The following NKAIN2 variants were observed in gnomAD, a reference collection of about 807,000 sequenced individuals.
NKAIN2 encodes the protein sodium/potassium transporting ATPase interacting 2.
NKAIN2 carries 14 observed loss-of-function variants against 32.6 expected under a neutral mutation model. That is an observed-to-expected ratio of 0.43 (90% CI 0.28 to 0.67). The LOEUF (loss-of-function observed/expected upper bound fraction) is 0.67, where lower values mean the gene tolerates loss of function less well. Among genes scored for constraint, NKAIN2 ranks in the 30% least tolerant of loss-of-function variants. NKAIN2 has a pLI of 0.17. For synonymous variants in NKAIN2, 80 were observed against 87.2 expected (o/e 0.92, Z 0.46); for missense variants, 198 against 258.3 (o/e 0.77, Z 1.60).
chr6:124,643,259 T>G (rs1373907611), intron 3 of NKAIN2, among the ~76,000 whole-genome samples: 1 of 152,218 alleles, frequency 6.6e-6, no homozygotes, highest in Non-Finnish European at 1.5e-5. Context: ...AATGCTATTC[T>G]ATACTACTAC....
intron 2 of NKAIN2, among the ~76,000 whole-genome samples, chr6:124,322,681 G>T (rs567121948): frequency 5.5e-4 from 84 of 152,210 alleles, no homozygotes; most frequent in African/African-American, 2.0e-3. Flanking sequence ...ATTTCAGTTG[G>T]TTCTAATTTG....
chr6:124,581,951 C>T (rs1781540190), intron 3 of NKAIN2, among the ~76,000 whole-genome samples: 3 of 151,872 alleles, frequency 2.0e-5, no homozygotes, highest in Admixed American at 6.6e-5. Context: ...AACAATGCAT[C>T]TTAAATAAAT....
intron 1 of NKAIN2, among the ~76,000 whole-genome samples, chr6:124,189,406 TA>T (rs143196815): frequency 6.6e-6 from 1 of 151,796 alleles, no homozygotes; most frequent in Non-Finnish European, 1.5e-5. Flanking sequence ...TATTCATGTT[TA>T]AAAAAAATGC....
chr6:124,625,440 G>T (rs1783281899), intron 3 of NKAIN2, among the ~76,000 whole-genome samples: 1 of 152,060 alleles, frequency 6.6e-6, no homozygotes, highest in African/African-American at 2.4e-5. Context: ...CAATGCGAGA[G>T]CTTATGATTC....
intron 4 of NKAIN2, among the ~76,000 whole-genome samples, chr6:124,689,493 T>C (rs2114533422): frequency 6.6e-6 from 1 of 152,278 alleles, no homozygotes; most frequent in South Asian, 2.1e-4. Context: ...CTTTCTTTCA[T>C]AGATTGTGCA....
chr6:124,346,167 GT>G (rs1383288513), intron 2 of NKAIN2, among the ~76,000 whole-genome samples: 2 of 152,130 alleles, frequency 1.3e-5, no homozygotes, highest in African/African-American at 2.4e-5. Flanking sequence ...TTAATCCTGA[GT>G]TCTAGTTTGA....
intron 1 of NKAIN2, among the ~76,000 whole-genome samples, chr6:123,814,156 G>A (rs1359684583): frequency 1.3e-5 from 2 of 152,138 alleles, no homozygotes; most frequent in Non-Finnish European, 2.9e-5. Context: ...GCAGGGGGTG[G>A]AGGGATGGGT....
intron 1 of NKAIN2, among the ~76,000 whole-genome samples, chr6:124,074,754 C>A (rs1400489317): frequency 1.3e-5 from 2 of 152,100 alleles, no homozygotes; most frequent in Admixed American, 1.3e-4. Flanking sequence ...AGAGTTACAC[C>A]CTCTTGGAAG....
chr6:124,318,675 T>G (rs1223828940), intron 2 of NKAIN2, among the ~76,000 whole-genome samples: 1 of 152,072 alleles, frequency 6.6e-6, no homozygotes, highest in Non-Finnish European at 1.5e-5. Context: ...GAAAGAATTA[T>G]GCATTTCTGG....
At chr6:124,465,657 T>A (rs1191773344) in intron 3 of NKAIN2, among the ~76,000 whole-genome samples, 1 of 151,802 alleles carries the variant, frequency 6.6e-6, no homozygotes, top group African/African-American at 2.4e-5. Context: ...GAAATTCCTT[T>A]GACAAGGAAC....
chr6:124,406,848 G>C (rs1773881970), intron 3 of NKAIN2, among the ~76,000 whole-genome samples: 3 of 152,024 alleles, frequency 2.0e-5, no homozygotes, highest in Non-Finnish European at 4.4e-5. Flanking sequence ...ATCTTCTCAA[G>C]TGCTACTTTC....
chr6:124,114,239 A>G (rs1481125637), intron 1 of NKAIN2, among the ~76,000 whole-genome samples: 1 of 152,024 alleles, frequency 6.6e-6, no homozygotes, highest in East Asian at 1.9e-4. Flanking sequence ...TTCTGGATTT[A>G]TTTTTTATGG....
At chr6:124,777,151 A>AG (rs1335177167) in intron 4 of NKAIN2, among the ~76,000 whole-genome samples, 3 of 152,182 alleles carry the variant, frequency 2.0e-5, no homozygotes, top group African/African-American at 7.2e-5. Context: ...ATAATATTAA[A>AG]GTGCAGATGG....
At chr6:124,242,347 C>T (rs1793150639) in intron 1 of NKAIN2, among the ~76,000 whole-genome samples, 1 of 152,042 alleles carries the variant, frequency 6.6e-6, no homozygotes, top group South Asian at 2.1e-4. Flanking sequence ...CAATGAGATA[C>T]CATCTCATGC....
At position 124,823,997 on chromosome 6, in the gene NKAIN2, T is replaced by C. The variant is rs1040410373; in HGVS notation, c.*768T>C. On this transcript the variant is annotated 3_prime_UTR_variant, in exon 7 of 7. Coordinates refer to ENST00000368417, the MANE Select transcript of NKAIN2 (RefSeq NM_001040214.3). ...AAAGTGCTTTACCATAGAGCCTCCATGGTGGCCCAAAAGAGACAAGTAACA... is the reference window on the plus strand; with the variant it reads ...AAAGTGCTTTACCATAGAGCCTCCACGGTGGCCCAAAAGAGACAAGTAACA... The C allele has an allele frequency of 9.8e-5, 15 of 152,326 alleles. No homozygotes were observed. Among genetic ancestry groups the C allele is most frequent in the African/African-American group, 3.6e-4 (15 of 41,580 alleles). The allele number at this position is 152,326 out of a possible 1,614,324, so 9.4% of individuals were successfully genotyped here.
rs141634572 is a variant in NKAIN2 at position 124,006,486 on chromosome 6, C to T, written c.54+202232C>T. The stretch of plus-strand genomic sequence containing the variant: ...AAACACACCTCAAATCTAGCTTATG[C>T]GGTGCATGTGACATAAATGTTTCAG... On this transcript the variant is annotated intron_variant, in intron 1 of 6. Coordinates refer to ENST00000368417, the MANE Select transcript of NKAIN2 (RefSeq NM_001040214.3). Among the ~76,000 whole-genome samples, 257 of 152,266 alleles carry T rather than the reference C, an allele frequency of 1.7e-3. 8 individuals carry two copies. In the South Asian group the frequency reaches 0.04, roughly 23 times the overall value.
chr6:124,475,427 A>G (rs1445859991), intron 3 of NKAIN2, among the ~76,000 whole-genome samples: 1 of 152,192 alleles, frequency 6.6e-6, no homozygotes, highest in Non-Finnish European at 1.5e-5. Flanking sequence ...TGAAAATTTA[A>G]CAAAACCCAA....
chr6:123,936,295 G>C (rs1284129961), intron 1 of NKAIN2, among the ~76,000 whole-genome samples: 2 of 152,196 alleles, frequency 1.3e-5, no homozygotes, highest in Non-Finnish European at 2.9e-5. Flanking sequence ...TCTAATTGCG[G>C]ACCCTAGATG....
At chr6:124,049,646 C>T (rs919365457) in intron 1 of NKAIN2, among the ~76,000 whole-genome samples, 3 of 151,994 alleles carry the variant, frequency 2.0e-5, no homozygotes, top group South Asian at 2.1e-4. Flanking sequence ...TTAAATTGTG[C>T]CTCATTCTAA....
Sources: gnomAD v4.1 joint callset for allele counts (sites outside exome capture counted in the v4.1 genomes callset) on GRCh38, gnomAD v4.1.1 for gene constraint, MANE v1.5 for transcripts, NCBI Gene and HGNC (gene_info 2026-07-23, HGNC 2026-07-21) for gene names.